CTNNA3: variants seen among roughly 807,000 people sequenced by gnomAD.
CTNNA3 encodes the protein catenin alpha-3.
Under a neutral mutation model 95.7 loss-of-function variants are expected in CTNNA3, and 76 were observed. That is an observed-to-expected ratio of 0.79 (90% CI 0.66 to 0.96). The LOEUF is 0.96. Among genes scored for constraint, CTNNA3 ranks in the 40% least tolerant of loss-of-function variants. CTNNA3 has a pLI of 0.00. For synonymous variants in CTNNA3, 431 were observed against 374.4 expected, an observed-to-expected ratio of 1.15 and a Z score of -1.74; for missense variants, 1,191 against 1,089.8, an observed-to-expected ratio of 1.09 and a Z score of -1.31.
chr10:66,108,737 T>C (rs2082002468), intron 13 of CTNNA3, among the ~76,000 whole-genome samples: 1 of 152,188 alleles, frequency 6.6e-6, no homozygotes, highest in Non-Finnish European at 1.5e-5. Context: ...TCAATTTTTC[T>C]ATTTCTTAGC....
chr10:66,123,271 G>T (rs1449553266), intron 13 of CTNNA3, among the ~76,000 whole-genome samples: 1 of 152,192 alleles, frequency 6.6e-6, no homozygotes, highest in African/African-American at 2.4e-5. Flanking sequence ...CAGGCACCAT[G>T]CAAGCGTGAA....
intron 5 of CTNNA3, among the ~76,000 whole-genome samples, chr10:67,418,450 C>A (rs1041312948): frequency 2.3e-4 from 35 of 150,442 alleles, no homozygotes; most frequent in Admixed American, 5.3e-4. Flanking sequence ...CTGTATCTAT[C>A]AACACATAAA....
chr10:67,016,618 T>C (rs1852675859), intron 7 of CTNNA3, among the ~76,000 whole-genome samples: 1 of 152,184 alleles, frequency 6.6e-6, no homozygotes, highest in South Asian at 2.1e-4. Context: ...ACGCAGAAAC[T>C]AAGCTCTCTT....
chr10:67,475,508 G>T (rs1361973499), intron 5 of CTNNA3, among the ~76,000 whole-genome samples: 1 of 152,196 alleles, frequency 6.6e-6, no homozygotes, highest in Non-Finnish European at 1.5e-5. Flanking sequence ...TAGGGAAGAT[G>T]ATGGGTTTAA....
At chr10:66,773,644 T>C (rs1008286339) in intron 8 of CTNNA3, among the ~76,000 whole-genome samples, 2 of 152,212 alleles carry the variant, frequency 1.3e-5, no homozygotes, top group African/African-American at 4.8e-5. Context: ...CATCGTGAGA[T>C]GCAAATATCG....
intron 11 of CTNNA3, among the ~76,000 whole-genome samples, chr10:66,438,163 G>A (rs531065101): frequency 1.2e-4 from 19 of 152,262 alleles, no homozygotes; most frequent in African/African-American, 4.6e-4. Context: ...TCCTAGTCAG[G>A]AGGCACCGGG....
At chr10:66,644,982 C>A (rs1037861338) in intron 9 of CTNNA3, among the ~76,000 whole-genome samples, 1 of 152,098 alleles carries the variant, frequency 6.6e-6, no homozygotes, top group African/African-American at 2.4e-5. Flanking sequence ...TTTATTATTT[C>A]AAAATGTTTT....
chr10:67,037,064 G>C (rs1854105138), intron 7 of CTNNA3, among the ~76,000 whole-genome samples: 1 of 152,160 alleles, frequency 6.6e-6, no homozygotes. Context: ...CAAATGGTTG[G>C]AGTGAAGTGA....
At chr10:66,005,814 G>A (rs149464135) in intron 15 of CTNNA3, among the ~76,000 whole-genome samples, 1 of 151,954 alleles carries the variant, frequency 6.6e-6, no homozygotes, top group East Asian at 1.9e-4. Flanking sequence ...CATGGACCTT[G>A]AAAACCCTAG....
chr10:66,868,687 G>T (rs1351577378), intron 7 of CTNNA3, among the ~76,000 whole-genome samples: 1 of 151,106 alleles, frequency 6.6e-6, no homozygotes, highest in Admixed American at 6.6e-5. Flanking sequence ...GAAGGCAGAG[G>T]TTGCAGTGAG....
chr10:66,572,379 C>CT (rs976443259), intron 10 of CTNNA3, among the ~76,000 whole-genome samples: 1 of 78,834 alleles, frequency 1.3e-5, no homozygotes, highest in African/African-American at 3.3e-5. Context: ...GAGACTCTGT[C>CT]TTAAAAAAAA....
At chr10:66,603,171 C>A (rs924525500) in intron 10 of CTNNA3, among the ~76,000 whole-genome samples, 1 of 151,950 alleles carries the variant, frequency 6.6e-6, no homozygotes, top group Non-Finnish European at 1.5e-5. Context: ...TTGTATATAG[C>A]GTGATTTTAT....
chr10:66,423,484 G>T (rs924468975), intron 11 of CTNNA3, among the ~76,000 whole-genome samples: 1 of 152,106 alleles, frequency 6.6e-6, no homozygotes, highest in Non-Finnish European at 1.5e-5. Context: ...AATCCAAAGG[G>T]CATCAGCCTA....
At chr10:67,067,488 A>G (rs1225734161) in intron 7 of CTNNA3, among the ~76,000 whole-genome samples, 1 of 152,240 alleles carries the variant, frequency 6.6e-6, no homozygotes, top group Non-Finnish European at 1.5e-5. Context: ...ATTAGTCCAC[A>G]AAGTTTGGCA....
At chr10:67,167,180 G>A (rs1264833474) in intron 7 of CTNNA3, among the ~76,000 whole-genome samples, 1 of 152,110 alleles carries the variant, frequency 6.6e-6, no homozygotes, top group Admixed American at 6.5e-5. Context: ...GGGCTCAGCT[G>A]AGATTTGACA....
At chr10:66,139,919 A>G (rs775843598) in intron 13 of CTNNA3, among the ~76,000 whole-genome samples, 38 of 152,268 alleles carry the variant, frequency 2.5e-4, no homozygotes, top group Non-Finnish European at 4.4e-4. Flanking sequence ...TGATTTTGTA[A>G]AGGGACTAGG....
intron 7 of CTNNA3, among the ~76,000 whole-genome samples, chr10:66,895,239 C>T (rs766119800): frequency 6.6e-6 from 1 of 151,898 alleles, no homozygotes; most frequent in Non-Finnish European, 1.5e-5. Context: ...AATTCTCACA[C>T]TTTATTGTGT....
At chr10:67,704,957 A>G (rs1386257026) in intron 1 of CTNNA3, among the ~76,000 whole-genome samples, 1 of 152,206 alleles carries the variant, frequency 6.6e-6, no homozygotes, top group African/African-American at 2.4e-5. Flanking sequence ...TCCATCAAAA[A>G]GTGGGCGAAC....
At chr10:66,762,900 C>T (rs1839658458) in intron 9 of CTNNA3, among the ~76,000 whole-genome samples, 1 of 151,872 alleles carries the variant, frequency 6.6e-6, no homozygotes, top group African/African-American at 2.4e-5. Context: ...TCAACATGTT[C>T]ACTGATTTTA....
Sources: allele counts gnomAD v4.1 joint callset (sites outside exome capture counted in the v4.1 genomes callset), GRCh38; gene constraint gnomAD v4.1.1; transcripts MANE v1.5; gene names NCBI Gene and HGNC (gene_info 2026-07-23, HGNC 2026-07-21).